ZNF326: variants seen among roughly 807,000 people sequenced by gnomAD.
ZNF326 encodes the protein DBIRD complex subunit ZNF326.
Under a neutral mutation model 63.1 loss-of-function variants are expected in ZNF326, and 30 were observed. That is an observed-to-expected ratio of 0.48 (90% CI 0.36 to 0.64). The LOEUF is 0.64. ZNF326 is among the 30% of genes least tolerant of loss of function. The pLI, the probability that ZNF326 is intolerant of heterozygous loss-of-function variation, is 0.00. For missense variants in ZNF326, 609 were observed against 720.3 expected (o/e 0.85, Z 1.77); for synonymous variants, 194 against 228.2 (o/e 0.85, Z 1.35).
In ZNF326 at chr1:90,032,818, G is replaced by A. The variant is rs1650330994; in HGVS notation, c.*5117G>A. 6.6e-6 allele frequency: 1 copy of A among 152,182 alleles called. No individual in the cohort carries two copies. Among genetic ancestry groups the A allele is most frequent in the South Asian group, 2.1e-4 (1 of 4,828 alleles). The allele number at this position is 152,182 out of a possible 1,614,324, so 9.4% of individuals were successfully genotyped here. On this transcript the variant is annotated 3_prime_UTR_variant, in exon 12 of 12. Coordinates refer to ENST00000340281, the MANE Select transcript of ZNF326 (RefSeq NM_182976.4). The stretch of plus-strand genomic sequence containing the variant: ...AAAGCTGTAACACAATTTGATGTTT[G>A]CCAAATAAGGTGAGACTCACAGAGT...
At chr1:90,021,165 TTTCC>T (rs1255216300) in intron 10 of ZNF326, among the ~76,000 whole-genome samples, 20 of 152,104 alleles carry the variant, frequency 1.3e-4, no homozygotes, top group African/African-American at 4.8e-4. Context: ...TTTGTCTAAG[TTTCC>T]TTATCTGTAA....
At chr1:89,995,944 T>C (rs1452394270) in intron 1 of ZNF326, among the ~76,000 whole-genome samples, 3 of 152,210 alleles carry the variant, frequency 2.0e-5, no homozygotes, top group Non-Finnish European at 2.9e-5. Flanking sequence ...GGATCGTGTG[T>C]AGGTAGGATT....
intron 7 of ZNF326, among the ~76,000 whole-genome samples, chr1:90,014,444 T>G (rs1649400206): frequency 6.6e-6 from 1 of 152,160 alleles, no homozygotes; most frequent in Non-Finnish European, 1.5e-5. Flanking sequence ...AAGGAAATTG[T>G]TTAAACTTAA....
chr1:90,008,405 A>G (rs979757011), intron 5 of ZNF326, among the ~76,000 whole-genome samples: 1 of 152,056 alleles, frequency 6.6e-6, no homozygotes, highest in Non-Finnish European at 1.5e-5. Context: ...AATAATTTCC[A>G]CCTGTACAGA....
chr1:89,996,134 T>G (rs1297175770), intron 1 of ZNF326, among the ~76,000 whole-genome samples: 1 of 152,258 alleles, frequency 6.6e-6, no homozygotes, highest in Non-Finnish European at 1.5e-5. Context: ...AATATTAATT[T>G]GGTCTTCACT....
At chr1:90,010,394 T>TCCATACTTTTTGGTAATTTTTTC in intron 6 of ZNF326, 108 bp downstream of exon 6, 1 of 1,103,930 alleles carries the variant, frequency 9.1e-7, no homozygotes, top group Non-Finnish European at 1.3e-6. Flanking sequence ...ACATAACAAT[T>TCCATACTTTTTGGTAATTTTTTC]ATGATTGTAG....
rs904483969 is a variant in ZNF326 at position 90,032,875 on chromosome 1, A to G, written c.*5174A>G. ...GCAGAGCATATAATGCAGAGCATAC[A>G]AATAGGGGCCATCGAAGTGTGGCAA... On this transcript the variant is annotated 3_prime_UTR_variant, in exon 12 of 12. Coordinates refer to ENST00000340281, the MANE Select transcript of ZNF326 (RefSeq NM_182976.4). 1 of 152,278 alleles carries G rather than the reference A, an allele frequency of 6.6e-6. No homozygotes were observed. Among genetic ancestry groups the G allele is most frequent in the Non-Finnish European group, 1.5e-5 (1 of 68,050 alleles). 9.4% of individuals were successfully genotyped at this position (152,278 alleles called of 1,614,324 possible). A position where few individuals can be genotyped will look rare whatever the true frequency, so the allele number is the denominator to read the frequency against.
At chr1:90,014,859 G>A (rs761261828) in intron 7 of ZNF326, among the ~76,000 whole-genome samples, 44 of 152,006 alleles carry the variant, frequency 2.9e-4, no homozygotes, top group Non-Finnish European at 6.0e-4. Flanking sequence ...AATTATCAGC[G>A]TCTTGGAGTG....
chr1:89,998,004 TTAA>T, intron 1 of ZNF326, 103 bp from the exon 2 acceptor site: 1 of 922,330 alleles, frequency 1.1e-6, no homozygotes, highest in Non-Finnish European at 1.7e-6. Flanking sequence ...GATAATTGGG[TTAA>T]TGTCATTTTA....
rs1650224504 is a variant in ZNF326 at position 90,030,552 on chromosome 1, G to T, written c.*2851G>T. The T allele has an allele frequency of 6.6e-6, 1 of 151,566 alleles. No homozygotes were observed. Among genetic ancestry groups the T allele is most frequent in the Admixed American group, 6.6e-5 (1 of 15,234 alleles). The allele number at this position is 151,566 out of a possible 1,614,324, so 9.4% of individuals were successfully genotyped here. A position where few individuals can be genotyped will look rare whatever the true frequency, so the allele number is the denominator to read the frequency against. ...CCTTGGCTGATTCTTCATCCTTCAGGTCACCTTAAATGTTAGAAAAGGGGA... is the reference window on the plus strand; with the variant it reads ...CCTTGGCTGATTCTTCATCCTTCAGTTCACCTTAAATGTTAGAAAAGGGGA... On this transcript the variant is annotated 3_prime_UTR_variant, in exon 12 of 12. Coordinates refer to ENST00000340281, the MANE Select transcript of ZNF326 (RefSeq NM_182976.4).
Position 90,009,913 on chromosome 1 carries a change from G to A in ZNF326, c.616-175G>A, listed in dbSNP as rs74228341. On this transcript the variant is annotated intron_variant, in intron 5 of 11. Transcript: ENST00000340281. ...ACTAATTCAATGGATTTGAGTTTAT[G>A]TAATAATTTACAGAGTTTTTCAATG... Among the ~76,000 whole-genome samples, 26 of 152,256 alleles carry A rather than the reference G, an allele frequency of 1.7e-4. No homozygotes were observed. The East Asian group carries it at 3.7e-3, about 21-fold the overall frequency.
In ZNF326 at chr1:90,007,335, A is replaced by G; in HGVS notation, c.210-10A>G. 6.4e-7 allele frequency: 1 copy of G among 1,568,758 alleles called. No individual in the cohort carries two copies. Among genetic ancestry groups the G allele is most frequent in the Non-Finnish European group, 8.6e-7 (1 of 1,157,478 alleles). ...CTTTTGTTTTTTCCCTCACTGTGCAACTTTTCCAGGTTTGGACCTTATGAG... is the reference window on the plus strand; with the variant it reads ...CTTTTGTTTTTTCCCTCACTGTGCAGCTTTTCCAGGTTTGGACCTTATGAG... On this transcript the variant is annotated splice_polypyrimidine_tract_variant and intron_variant, in intron 4 of 11. Coordinates refer to ENST00000340281, the MANE Select transcript of ZNF326 (RefSeq NM_182976.4). This position sits in a 1 kb window ranked among gnomAD's most constrained non-coding sequence, Gnocchi z 4.9.
rs1262369943 is a variant in ZNF326, at chr1:90,030,248, CTAAT to C, written c.*2548_*2551del. On this transcript the variant is annotated 3_prime_UTR_variant, in exon 12 of 12. Transcript: ENST00000340281. Reference sequence around the variant, plus strand: ...TCAAGTCATGATAATTTCTTGTTAACTAATCTTGATTCCACCCTTACCATGATAG... The same window carrying C: ...TCAAGTCATGATAATTTCTTGTTAACCTTGATTCCACCCTTACCATGATAG... The C allele has an allele frequency of 6.6e-6, 1 of 152,124 alleles. No homozygotes were observed. Among genetic ancestry groups the C allele is most frequent in the Non-Finnish European group, 1.5e-5 (1 of 68,022 alleles). The allele number at this position is 152,124 out of a possible 1,614,324, so 9.4% of individuals were successfully genotyped here. A position where few individuals can be genotyped will look rare whatever the true frequency, so the allele number is the denominator to read the frequency against.
At chr1:89,997,075 A>G (rs1648412993) in intron 1 of ZNF326, among the ~76,000 whole-genome samples, 2 of 152,222 alleles carry the variant, frequency 1.3e-5, no homozygotes, top group African/African-American at 2.4e-5. Flanking sequence ...TAGTGATGAA[A>G]TACGCCCTGT....
At chr1:90,022,179 C>A in intron 10 of ZNF326, 71 bp from the exon 11 acceptor site, 1 of 1,108,026 alleles carries the variant, frequency 9.0e-7, no homozygotes, top group Non-Finnish European at 1.3e-6. Context: ...GCATGAAATG[C>A]TGTTTTAATT....
chr1:90,010,283 C>T lies in ZNF326; in HGVS notation c.811C>T (p.Pro271Ser). The T allele has an allele frequency of 6.2e-7, 1 of 1,612,186 alleles. No individual in the cohort carries two copies. Among genetic ancestry groups the T allele is most frequent in the South Asian group, 1.1e-5 (1 of 90,576 alleles). ...PMEKISLSKS[P>S]TKTDPKNEEE... Reference sequence around the variant, plus strand: ...GGAGAAGATAAGCCTCAGCAAATCACCCAGTAAGTAAGAAAACATAATTGC... The same window carrying T: ...GGAGAAGATAAGCCTCAGCAAATCATCCAGTAAGTAAGAAAACATAATTGC... Residue 271 changes from proline to serine, a missense_variant, in exon 6 of 12, where the codon CCC becomes TCC. Pro to Ser is a moderately conservative substitution (Grantham distance 74). Transcript: ENST00000340281.
rs915545092 is a variant in ZNF326 at position 89,995,327 on chromosome 1, C to G, written c.16+54C>G. On this transcript the variant is annotated intron_variant, in intron 1 of 11. Transcript: ENST00000340281. ...AGCTGGCAGGAGGCGGGGTGGCCTA[C>G]GCAGGGGGTCTGTTTACCGTCTCAA... The G allele has an allele frequency of 1.4e-5, 22 of 1,523,422 alleles. No homozygotes were observed. In the African/African-American group the frequency reaches 2.3e-4, roughly 16 times the overall value. 94.4% of individuals were successfully genotyped at this position (1,523,422 alleles called of 1,614,324 possible). A position where few individuals can be genotyped will look rare whatever the true frequency, so the allele number is the denominator to read the frequency against.
rs950566273 is a variant in ZNF326 at position 90,027,944 on chromosome 1, G to C, written c.*243G>C. ...GATAAATTGTTTGTATAATTTTTAA[G>C]CTTAATTTTTATTACTTTATTGGTG... On this transcript the variant is annotated 3_prime_UTR_variant, in exon 12 of 12. Coordinates refer to ENST00000340281, the MANE Select transcript of ZNF326 (RefSeq NM_182976.4). 6.3e-6 allele frequency: 3 copies of C among 479,658 alleles called. No homozygotes were observed. The highest frequency in any genetic ancestry group is 1.1e-5 in the Non-Finnish European group (3 of 274,150). 29.7% of individuals were successfully genotyped at this position (479,658 alleles called of 1,614,324 possible). A position where few individuals can be genotyped will look rare whatever the true frequency, so the allele number is the denominator to read the frequency against.
intron 2 of ZNF326, 131 bp downstream of exon 2, chr1:89,998,285 T>A: frequency 4.2e-6 from 3 of 721,606 alleles, no homozygotes; most frequent in Non-Finnish European, 6.6e-6. Flanking sequence ...ATTGTCTTAC[T>A]ATATATAGTA....
Sources: allele counts gnomAD v4.1 joint callset (sites outside exome capture counted in the v4.1 genomes callset), GRCh38; gene constraint gnomAD v4.1.1; non-coding constraint Gnocchi (gnomAD v3.1); transcripts MANE v1.5; gene names NCBI Gene and HGNC (gene_info 2026-07-23, HGNC 2026-07-21).